GRID2: variants seen among roughly 807,000 people sequenced by gnomAD.
GRID2 encodes the protein glutamate ionotropic receptor delta type subunit 2, also known as glutamate receptor ionotropic, delta-2.
Under a neutral mutation model 114.8 loss-of-function variants are expected in GRID2, and 33 were observed. The ratio of observed to expected loss-of-function variants is 0.29; its 90% CI spans 0.22 to 0.38. The LOEUF (loss-of-function observed/expected upper bound fraction) is 0.38. Among genes scored for constraint, GRID2 ranks in the 10% least tolerant of loss-of-function variants. The pLI is 1.00. For synonymous variants in GRID2, 505 were observed against 449.9 expected (o/e 1.12, Z -1.55); for missense variants, 1,184 against 1,257.7 (o/e 0.94, Z 0.89).
chr4:92,750,459 A>C (rs188727825), intron 2 of GRID2, among the ~76,000 whole-genome samples: 2 of 148,780 alleles, frequency 1.3e-5, no homozygotes, highest in African/African-American at 5.1e-5. Context: ...AAGGTTATCT[A>C]GTTAAAGAAC....
chr4:92,907,749 C>A (rs1454636352), intron 2 of GRID2, among the ~76,000 whole-genome samples: 1 of 152,070 alleles, frequency 6.6e-6, no homozygotes, highest in East Asian at 1.9e-4. Context: ...TTCAGCTGGG[C>A]ACGGTGGCTC....
At chr4:92,826,342 T>C (rs1741696125) in intron 2 of GRID2, among the ~76,000 whole-genome samples, 1 of 152,110 alleles carries the variant, frequency 6.6e-6, no homozygotes. Flanking sequence ...CCTCTCTCAT[T>C]GAGGCTTTTC....
At chr4:93,636,918 C>A (rs572511073) in intron 14 of GRID2, among the ~76,000 whole-genome samples, 1 of 152,222 alleles carries the variant, frequency 6.6e-6, no homozygotes, top group South Asian at 2.1e-4. Context: ...GTGTCCCATC[C>A]CCTGCCCTGT....
At chr4:93,001,776 T>C (rs1721013912) in intron 2 of GRID2, among the ~76,000 whole-genome samples, 1 of 151,768 alleles carries the variant, frequency 6.6e-6, no homozygotes, top group African/African-American at 2.4e-5. Flanking sequence ...GAACTATTAC[T>C]AGTCTCAATG....
intron 2 of GRID2, among the ~76,000 whole-genome samples, chr4:92,821,565 T>C (rs1741281280): frequency 6.6e-6 from 1 of 152,118 alleles, no homozygotes; most frequent in Non-Finnish European, 1.5e-5. Flanking sequence ...TAAACAGAAA[T>C]TTAAAATAAT....
intron 14 of GRID2, among the ~76,000 whole-genome samples, chr4:93,634,111 G>A (rs1721196566): frequency 6.6e-6 from 1 of 152,082 alleles, no homozygotes; most frequent in South Asian, 2.1e-4. Flanking sequence ...AGACACATTT[G>A]TAAACATTAA....
At chr4:93,176,893 G>A (rs989922828) in intron 4 of GRID2, among the ~76,000 whole-genome samples, 4 of 152,142 alleles carry the variant, frequency 2.6e-5, no homozygotes, top group East Asian at 1.9e-4. Context: ...AGAACATAGC[G>A]AGAATTGTGA....
intron 2 of GRID2, among the ~76,000 whole-genome samples, chr4:93,079,744 G>A (rs1433539853): frequency 6.6e-6 from 1 of 152,004 alleles, no homozygotes; most frequent in Admixed American, 6.6e-5. Context: ...CAGGTTAAAT[G>A]TTTAATTCTT....
At chr4:93,334,394 C>T (rs2904481) in intron 8 of GRID2, among the ~76,000 whole-genome samples, 37,756 of 152,010 alleles carry the variant, frequency 0.25, 7,745 homozygotes, top group African/African-American at 0.56. Context: ...AAAAAACCGT[C>T]GCACTTTTTG....
chr4:92,838,279 C>T (rs1234560700), intron 2 of GRID2, among the ~76,000 whole-genome samples: 1 of 151,924 alleles, frequency 6.6e-6, no homozygotes, highest in Non-Finnish European at 1.5e-5. Context: ...AATATCACTA[C>T]CATGTGTGAC....
intron 1 of GRID2, among the ~76,000 whole-genome samples, chr4:92,451,987 G>A (rs1720951980): frequency 6.6e-6 from 1 of 152,172 alleles, no homozygotes; most frequent in Admixed American, 6.6e-5. Flanking sequence ...TTCTATGAAT[G>A]TGAGACTCTG....
intron 4 of GRID2, among the ~76,000 whole-genome samples, chr4:93,170,420 G>T (rs1738691182): frequency 6.6e-6 from 1 of 152,048 alleles, no homozygotes; most frequent in Non-Finnish European, 1.5e-5. Context: ...ATGGAATCCA[G>T]TTGCAGCAAT....
intron 14 of GRID2, among the ~76,000 whole-genome samples, chr4:93,725,973 A>G (rs1049796551): frequency 8.5e-5 from 13 of 152,056 alleles, no homozygotes; most frequent in Non-Finnish European, 1.6e-4. Flanking sequence ...GCTGTGCAGA[A>G]GCTCTTTAGT....
rs187476878 is a variant in GRID2 at position 93,101,922 on chromosome 4, T to C, written c.530-8826T>C. ...CAGAATAAAATCAAGATAAATGTTG[T>C]TATTAGCATTATCACATTAAAATAT... On this transcript the variant is annotated intron_variant, in intron 3 of 15. Transcript: ENST00000282020. 1.2e-4 allele frequency among the ~76,000 whole-genome samples: 18 copies of C among 152,280 alleles called. No homozygotes were observed. The East Asian group carries it at 3.5e-3, about 29-fold the overall frequency.
chr4:92,576,899 T>C (rs900368955), intron 1 of GRID2, among the ~76,000 whole-genome samples: 2 of 152,188 alleles, frequency 1.3e-5, no homozygotes, highest in Non-Finnish European at 2.9e-5. Context: ...CTCTTCTTTC[T>C]CTTTGGGCTA....
intron 10 of GRID2, among the ~76,000 whole-genome samples, chr4:93,446,234 C>T (rs1363673821): frequency 2.0e-5 from 3 of 152,004 alleles, no homozygotes; most frequent in African/African-American, 7.2e-5. Flanking sequence ...GTTCCTGGCA[C>T]AGCAAGATAG....
chr4:93,146,102 G>A (rs6844422), intron 4 of GRID2, among the ~76,000 whole-genome samples: 80,840 of 151,764 alleles, frequency 0.53, 22,738 homozygotes, highest in African/African-American at 0.69. Flanking sequence ...TCAGCTCCAG[G>A]AATAGTATGA....
chr4:93,310,356 C>T (rs1016110399), intron 8 of GRID2, among the ~76,000 whole-genome samples: 1 of 151,886 alleles, frequency 6.6e-6, no homozygotes, highest in Non-Finnish European at 1.5e-5. Context: ...TCTGTCTCTA[C>T]TAAAAACAAA....
At chr4:92,651,927 A>T (rs977848231) in intron 2 of GRID2, among the ~76,000 whole-genome samples, 1 of 152,088 alleles carries the variant, frequency 6.6e-6, no homozygotes, top group Non-Finnish European at 1.5e-5. Context: ...GTCAACTTTC[A>T]TAGAACACTC....
Sources: gnomAD v4.1 joint callset for allele counts (sites outside exome capture counted in the v4.1 genomes callset) on GRCh38, gnomAD v4.1.1 for gene constraint, MANE v1.5 for transcripts, NCBI Gene and HGNC (gene_info 2026-07-23, HGNC 2026-07-21) for gene names.